The following PSAT1 variants were observed in gnomAD, a reference collection of about 807,000 sequenced individuals.
PSAT1 encodes the protein phosphoserine aminotransferase 1.
A neutral mutation model predicts 40.3 loss-of-function variants in PSAT1; 41 were observed. The observed-to-expected ratio is 1.02, with a 90% CI of 0.79 to 1.32. The LOEUF (loss-of-function observed/expected upper bound fraction) is 1.32. Ranked by LOEUF, PSAT1 falls within the 40% of genes most tolerant of loss-of-function variation. PSAT1 has a pLI of 0.00. For synonymous variants in PSAT1, 147 were observed against 170.5 expected (o/e 0.86, Z 1.07); for missense variants, 406 against 455.8 (o/e 0.89, Z 0.99).
At chr9:78,316,266 A>G (rs1828343078) in intron 6 of PSAT1, among the ~76,000 whole-genome samples, 1 of 152,196 alleles carries the variant, frequency 6.6e-6, no homozygotes, top group African/African-American at 2.4e-5. Flanking sequence ...TACTTGGTTC[A>G]GAAAGGGATG....
intron 7 of PSAT1, among the ~76,000 whole-genome samples, chr9:78,321,125 C>A (rs1039109762): frequency 1.8e-4 from 28 of 152,288 alleles, no homozygotes; most frequent in African/African-American, 6.7e-4. Flanking sequence ...AGGTCATCTC[C>A]TGGGGAATCT....
chr9:78,320,660 CATCT>C (rs1484671319), intron 7 of PSAT1, among the ~76,000 whole-genome samples: 1 of 149,560 alleles, frequency 6.7e-6, no homozygotes, highest in African/African-American at 2.5e-5. Flanking sequence ...CCCACCCATC[CATCT>C]ATCCATCTGT....
At position 78,315,806 on chromosome 9, in the gene PSAT1, G is replaced by A. The variant is rs182200708; in HGVS notation, c.741-1870G>A. On this transcript the variant is annotated intron_variant, in intron 6 of 8. Coordinates refer to ENST00000376588, the MANE Select transcript of PSAT1 (RefSeq NM_058179.4). ...CAGTTGGTATAGGGGGCTTCCCTGT[G>A]ACAAGCTGCTGGCTGTTAGAGCATT... is the stretch of plus-strand genomic sequence containing the variant. 4.1e-3 allele frequency among the ~76,000 whole-genome samples: 627 copies of A among 152,336 alleles called. 4 individuals carry two copies. The highest frequency in any genetic ancestry group is 0.015 in the African/African-American group (608 of 41,580).
intron 1 of PSAT1, among the ~76,000 whole-genome samples, chr9:78,299,803 G>A (rs1828082136): frequency 1.3e-5 from 2 of 151,998 alleles, no homozygotes; most frequent in Non-Finnish European, 2.9e-5. Context: ...GAGCCACCAC[G>A]CCCGGCCTTG....
chr9:78,308,349 A>G (rs1228008612), intron 5 of PSAT1, 65 bp from the exon 6 acceptor site: 1 of 1,556,248 alleles, frequency 6.4e-7, no homozygotes, highest in African/African-American at 1.4e-5. Context: ...AGAGTTGGGA[A>G]GTTTGCATAC....
chr9:78,326,933 C>CG (rs1828504790), intron 7 of PSAT1, among the ~76,000 whole-genome samples: 1 of 107,778 alleles, frequency 9.3e-6, no homozygotes, highest in Non-Finnish European at 1.7e-5. Flanking sequence ...TAAGTGACAG[C>CG]AATATATATA....
chr9:78,298,128 C>T (rs1229048582), intron 1 of PSAT1, among the ~76,000 whole-genome samples: 2 of 152,188 alleles, frequency 1.3e-5, no homozygotes, highest in African/African-American at 4.8e-5. Context: ...GTGGAACTCA[C>T]TCTCTGCCTT....
chr9:78,314,021 G>A (rs1265592941), intron 6 of PSAT1, among the ~76,000 whole-genome samples: 1 of 152,216 alleles, frequency 6.6e-6, no homozygotes, highest in Non-Finnish European at 1.5e-5. Flanking sequence ...TTAATAGGCA[G>A]AGTTAGGAAC....
chr9:78,319,518 G>A (rs930008994), intron 7 of PSAT1, among the ~76,000 whole-genome samples: 7 of 152,262 alleles, frequency 4.6e-5, no homozygotes, highest in African/African-American at 1.7e-4. Flanking sequence ...TGCTGGGGAA[G>A]CTTCCACACT....
At chr9:78,327,917 A>ATTTTTTG in intron 7 of PSAT1, 134 bp from the exon 8 acceptor site, 1 of 936,078 alleles carries the variant, frequency 1.1e-6, no homozygotes, top group East Asian at 2.6e-5. Flanking sequence ...GCTGGGGCAG[A>ATTTTTTG]TTTTTTGTTT....
intron 6 of PSAT1, among the ~76,000 whole-genome samples, chr9:78,309,511 T>C (rs1828236037): frequency 6.6e-6 from 1 of 152,168 alleles, no homozygotes; most frequent in South Asian, 2.1e-4. Context: ...TACAGGTGCG[T>C]GCCACTACGC....
chr9:78,321,262 G>A (rs575448593), intron 7 of PSAT1, among the ~76,000 whole-genome samples: 67 of 152,254 alleles, frequency 4.4e-4, no homozygotes, highest in African/African-American at 1.6e-3. Flanking sequence ...TGCCTGGAAA[G>A]CGTCATCCCA....
chr9:78,298,679 A>AT (rs1000917214), intron 1 of PSAT1, among the ~76,000 whole-genome samples: 6 of 151,850 alleles, frequency 4.0e-5, no homozygotes, highest in African/African-American at 1.5e-4. Context: ...TTTGTTATTA[A>AT]TTTTTCTGGG....
chr9:78,329,058 A>G lies in PSAT1; in HGVS notation c.1085A>G (p.Lys362Arg). ...GTTCAGAAGCTGGCCGCCTTCATGA[A>G]AAAATTTTTGGAGATGCATCAGCTA... ...EDVQKLAAFMKKFLEMHQL is the reference protein window; with the variant it reads ...EDVQKLAAFMRKFLEMHQL Residue 362 changes from lysine to arginine, a missense_variant, in exon 9 of 9, where the codon AAA becomes AGA. Physicochemically the swap from Lys to Arg is conservative, Grantham distance 26 (BLOSUM62 2). Transcript: ENST00000376588. The G allele has an allele frequency of 6.2e-7, 1 of 1,612,632 alleles. No homozygotes were observed. The highest frequency in any genetic ancestry group is 8.5e-7 in the Non-Finnish European group (1 of 1,179,822).
intron 3 of PSAT1, among the ~76,000 whole-genome samples, chr9:78,303,715 T>C (rs1828140273): frequency 6.6e-6 from 1 of 152,144 alleles, no homozygotes; most frequent in African/African-American, 2.4e-5. Context: ...CATACATCTT[T>C]CAGGACAAGA....
At chr9:78,308,647 G>C in intron 6 of PSAT1, 64 bp downstream of exon 6, 14 of 1,582,436 alleles carry the variant, frequency 8.8e-6, no homozygotes, top group Admixed American at 1.7e-5. Context: ...TCAAAGCGGA[G>C]GTTACATTTT....
intron 6 of PSAT1, among the ~76,000 whole-genome samples, chr9:78,313,767 C>T (rs551330361): frequency 2.0e-5 from 3 of 152,230 alleles, no homozygotes; most frequent in African/African-American, 7.2e-5. Flanking sequence ...ACCTCAGCCT[C>T]CTAAGTAGCT....
intron 7 of PSAT1, among the ~76,000 whole-genome samples, chr9:78,318,651 C>T (rs1392307824): frequency 3.3e-5 from 5 of 152,286 alleles, no homozygotes; most frequent in Non-Finnish European, 7.4e-5. Flanking sequence ...TTCTTTCTGC[C>T]GTGTCTTCCC....
intron 1 of PSAT1, among the ~76,000 whole-genome samples, chr9:78,300,014 A>G (rs781445174): frequency 9.9e-5 from 15 of 151,690 alleles, no homozygotes; most frequent in Non-Finnish European, 1.9e-4. Flanking sequence ...TTTATTTTTT[A>G]TTAAGGGAAT....
Sources: allele counts gnomAD v4.1 joint callset (sites outside exome capture counted in the v4.1 genomes callset), GRCh38; gene constraint gnomAD v4.1.1; transcripts MANE v1.5; gene names NCBI Gene and HGNC (gene_info 2026-07-23, HGNC 2026-07-21).